BTBD7: variants seen among roughly 807,000 people sequenced by gnomAD.
The protein encoded by BTBD7 is BTB/POZ domain-containing protein 7.
Under a neutral mutation model 99.9 loss-of-function variants are expected in BTBD7, and 38 were observed. The ratio of observed to expected loss-of-function variants is 0.38; its 90% CI spans 0.29 to 0.50. BTBD7 has a LOEUF of 0.50. Ranked by LOEUF, BTBD7 falls within the 20% of genes least tolerant of loss-of-function variation. BTBD7 has a pLI of 0.93. For missense variants in BTBD7, 1,170 were observed against 1,394.6 expected (o/e 0.84, Z 2.57); for synonymous variants, 520 against 511.4 (o/e 1.02, Z -0.23).
intron 1 of BTBD7, among the ~76,000 whole-genome samples, chr14:93,320,221 T>C (rs2053254532): frequency 6.6e-6 from 1 of 152,140 alleles, no homozygotes; most frequent in East Asian, 1.9e-4. Context: ...CAGAATGATG[T>C]AGGAAAGCTG....
intron 3 of BTBD7, among the ~76,000 whole-genome samples, chr14:93,264,776 A>AAAAC (rs145665595): frequency 0.019 from 2,861 of 152,246 alleles, 74 homozygotes; most frequent in African/African-American, 0.063. Flanking sequence ...TGATAATGTG[A>AAAAC]AAACAAACAA....
In BTBD7 at chr14:93,241,524, AATG is replaced by A. The variant is rs1263448622; in HGVS notation, c.*746_*748del. 2 of 152,228 alleles carry A rather than the reference AATG, an allele frequency of 1.3e-5. No individual in the cohort carries two copies. The highest frequency in any genetic ancestry group is 2.4e-5 in the African/African-American group (1 of 41,416). The allele number at this position is 152,228 out of a possible 1,614,324, so 9.4% of individuals were successfully genotyped here. A position where few individuals can be genotyped will look rare whatever the true frequency, so the allele number is the denominator to read the frequency against. On this transcript the variant is annotated 3_prime_UTR_variant, in exon 11 of 11. Transcript: ENST00000334746. ...TGGTGACTCTAATCCTTATGACCAGAATGTGCAGGGATTCTGACTGCATCCACA... is the reference window on the plus strand; with the variant it reads ...TGGTGACTCTAATCCTTATGACCAGATGCAGGGATTCTGACTGCATCCACA...
Position 93,331,884 on chromosome 14 carries a change from C to CCG in BTBD7, c.-107+935_-107+936insCG, listed in dbSNP as rs1555394554. On this transcript the variant is annotated intron_variant, in intron 1 of 10. Coordinates refer to ENST00000334746, the MANE Select transcript of BTBD7 (RefSeq NM_001002860.4). The stretch of plus-strand genomic sequence containing the variant: ...TGACAGAGCGAGACTCCGTCTCCCC[C>CCG]CCCCCAAAAAGGTTGTTAGTTGAAA... Among the ~76,000 whole-genome samples, 5 of 146,978 alleles carry CCG rather than the reference C, an allele frequency of 3.4e-5. 1 individual carries two copies. Among genetic ancestry groups the CCG allele is most frequent in the South Asian group, 4.3e-4 (2 of 4,632 alleles).
chr14:93,332,837 C>T lies in BTBD7; in HGVS notation c.-124G>A. ...ACACTCACCCCGGAGGCTCCTCCCG[C>T]CGCTGCTGCTGCCGCTGGGACCGCT... On this transcript the variant is annotated 5_prime_UTR_variant, in exon 1 of 11. Transcript: ENST00000334746. 1 of 1,479,180 alleles carries T rather than the reference C, an allele frequency of 6.8e-7. No individual in the cohort carries two copies. The highest frequency in any genetic ancestry group is 8.9e-7 in the Non-Finnish European group (1 of 1,121,294). 91.6% of individuals were successfully genotyped at this position (1,479,180 alleles called of 1,614,324 possible). A position where few individuals can be genotyped will look rare whatever the true frequency, so the allele number is the denominator to read the frequency against.
chr14:93,332,942 C>T lies in BTBD7; in HGVS notation c.-229G>A, dbSNP rs1348636825. 4 of 649,516 alleles carry T rather than the reference C, an allele frequency of 6.2e-6. No individual in the cohort carries two copies. The highest frequency in any genetic ancestry group is 8.4e-6 in the Non-Finnish European group (4 of 476,864). 40.2% of individuals were successfully genotyped at this position (649,516 alleles called of 1,614,324 possible). ...ACCCCCGGCCATCCTCCTCCCACCG[C>T]CGCCGCCGCCGCCCTCTCCTCTCCT... On this transcript the variant is annotated 5_prime_UTR_variant, in exon 1 of 11. Coordinates refer to ENST00000334746, the MANE Select transcript of BTBD7 (RefSeq NM_001002860.4).
chr14:93,275,218 A>G (rs1447891501), intron 3 of BTBD7, among the ~76,000 whole-genome samples: 1 of 152,188 alleles, frequency 6.6e-6, no homozygotes, highest in Non-Finnish European at 1.5e-5. Flanking sequence ...CACTACATTT[A>G]TGGCCACCTT....
At position 93,294,764 on chromosome 14, in the gene BTBD7, T is replaced by C. The variant is rs1434861409; in HGVS notation, c.256A>G (p.Met86Val). Residue 86 changes from methionine (M) to valine (V), a missense_variant, in exon 3 of 11, where the codon ATG becomes GTG. By Grantham distance (21) the Met-to-Val change is conservative. Transcript: ENST00000334746. ...TCCCACCCAGAGAGGAGTTCTCGCA[T>C]CTGCTTGGCATGATCGGCAGACCTA... ...SNRSADHAKQ[M>V]RELLSGWDVR... 1 of 1,614,014 alleles carries C rather than the reference T, an allele frequency of 6.2e-7. No homozygotes were observed. The highest frequency in any genetic ancestry group is 2.2e-5 in the East Asian group (1 of 44,854).
rs374654734 is a variant in BTBD7 at position 93,306,006 on chromosome 14, G to A, written c.-106-9849C>T. ...CCTAATTACTTTCCAAAGGCCCTAC[G>A]TTCAACTGACATACAGATTTGGGGA... On this transcript the variant is annotated intron_variant, in intron 1 of 10. Coordinates refer to ENST00000334746, the MANE Select transcript of BTBD7 (RefSeq NM_001002860.4). Among the ~76,000 whole-genome samples, 24 of 152,300 alleles carry A rather than the reference G, an allele frequency of 1.6e-4. No homozygotes were observed. The South Asian group carries it at 3.9e-3, about 25-fold the overall frequency.
chr14:93,258,587 T>A lies in BTBD7; in HGVS notation c.1448-1232A>T, dbSNP rs561482029. On this transcript the variant is annotated intron_variant, in intron 5 of 10. Transcript: ENST00000334746. ...GTGGAAACTACCTTTTATTTATTTT[T>A]TTATTATTATTTTTTAAGATGGAGT... 6.9e-4 allele frequency among the ~76,000 whole-genome samples: 105 copies of A among 152,186 alleles called. 1 individual carries two copies. Among genetic ancestry groups the A allele is most frequent in the African/African-American group, 2.3e-3 (95 of 41,516 alleles).
intron 4 of BTBD7, among the ~76,000 whole-genome samples, chr14:93,262,175 C>T (rs2052496582): frequency 2.0e-5 from 3 of 151,494 alleles, no homozygotes; most frequent in African/African-American, 7.3e-5. Context: ...CGCTGTTGCC[C>T]AGGCTGGAGT....
chr14:93,294,594 A>G lies in BTBD7; in HGVS notation c.426T>C (p.Thr142=). 6.2e-7 allele frequency: 1 copy of G among 1,614,078 alleles called. No individual in the cohort carries two copies. The highest frequency in any genetic ancestry group is 8.5e-7 in the Non-Finnish European group (1 of 1,180,038). The change falls in exon 3 of 11, where the codon ACT becomes ACC. Residue 142 remains threonine (T), a synonymous_variant. Coordinates refer to ENST00000334746, the MANE Select transcript of BTBD7 (RefSeq NM_001002860.4). ...TTTCTTGAAATATTAAGTCTACATC[A>G]GTACAATACTTGTACTCATAAAGAT... is the stretch of plus-strand genomic sequence containing the variant. ...MADLYEYKYC[T]DVDLIFQETC... is the part of the protein sequence containing the mutation.
Position 93,294,613 on chromosome 14 carries a change from T to C in BTBD7, c.407A>G (p.Tyr136Cys), listed in dbSNP as rs773495984. The C allele has an allele frequency of 1.2e-6, 2 of 1,614,062 alleles. No individual in the cohort carries two copies. The highest frequency in any genetic ancestry group is 2.2e-5 in the East Asian group (1 of 44,884). The stretch of plus-strand genomic sequence containing the variant: ...TACATCAGTACAATACTTGTACTCA[T>C]AAAGATCAGCCATATCTTTCTGCAA... ...RTLQKDMADLYEYKYCTDVDL... is the reference protein window; with the variant it reads ...RTLQKDMADLCEYKYCTDVDL... Residue 136 changes from tyrosine to cysteine, a missense_variant, in exon 3 of 11, where the codon TAT becomes TGT. Tyr to Cys is a radical substitution (Grantham distance 194). Transcript: ENST00000334746.
intron 1 of BTBD7, among the ~76,000 whole-genome samples, chr14:93,303,439 G>GA (rs1201618374): frequency 1.3e-3 from 180 of 137,582 alleles, no homozygotes; most frequent in African/African-American, 3.6e-3. Flanking sequence ...CCCCATCTCA[G>GA]AAAAAAAAAA....
chr14:93,331,896 G>A (rs1264200233), intron 1 of BTBD7, among the ~76,000 whole-genome samples: 2 of 127,280 alleles, frequency 1.6e-5, no homozygotes, highest in Non-Finnish European at 3.1e-5. Context: ...CCCCAAAAAG[G>A]TTGTTAGTTG....
At chr14:93,314,242 T>C (rs1405203124) in intron 1 of BTBD7, among the ~76,000 whole-genome samples, 2 of 152,154 alleles carry the variant, frequency 1.3e-5, no homozygotes, top group African/African-American at 4.8e-5. Flanking sequence ...ATTATCATTC[T>C]TAAACAGGGT....
chr14:93,289,925 C>A (rs886994612), intron 3 of BTBD7, among the ~76,000 whole-genome samples: 1 of 142,836 alleles, frequency 7.0e-6, no homozygotes, highest in Non-Finnish European at 1.5e-5. Flanking sequence ...GCTGTGATCT[C>A]GACTTACTGC....
chr14:93,240,968 G>A lies in BTBD7; in HGVS notation c.*1305C>T, dbSNP rs545150110. On this transcript the variant is annotated 3_prime_UTR_variant, in exon 11 of 11. Coordinates refer to ENST00000334746, the MANE Select transcript of BTBD7 (RefSeq NM_001002860.4). ...TTTTGAAAATCGTTTAAAAGAAAAC[G>A]TATCTTTACAAACACCAAATAACAT... 1 of 152,374 alleles carries A rather than the reference G, an allele frequency of 6.6e-6. No homozygotes were observed. Among genetic ancestry groups the A allele is most frequent in the Non-Finnish European group, 1.5e-5 (1 of 68,030 alleles). 9.4% of individuals were successfully genotyped at this position (152,374 alleles called of 1,614,324 possible).
chr14:93,279,731 AGAG>A (rs1407298023), intron 3 of BTBD7, among the ~76,000 whole-genome samples: 12 of 152,180 alleles, frequency 7.9e-5, no homozygotes, highest in African/African-American at 2.9e-4. Flanking sequence ...TATTTTTAGT[AGAG>A]ACAAGGTTTC....
At position 93,240,041 on chromosome 14, in the gene BTBD7, AGAG is replaced by A. The variant is rs2052206080; in HGVS notation, c.*2229_*2231del. On this transcript the variant is annotated 3_prime_UTR_variant, in exon 11 of 11. Coordinates refer to ENST00000334746, the MANE Select transcript of BTBD7 (RefSeq NM_001002860.4). ...TTCACTTTTGTTTCTGAAGACAGAC[AGAG>A]ACTGGGCTTCAAAAGACACCGTCTT... is the stretch of plus-strand genomic sequence containing the variant. The A allele has an allele frequency of 6.6e-6, 1 of 152,246 alleles. No individual in the cohort carries two copies. The highest frequency in any genetic ancestry group is 1.5e-5 in the Non-Finnish European group (1 of 68,044). The allele number at this position is 152,246 out of a possible 1,614,324, so 9.4% of individuals were successfully genotyped here.
Sources: gnomAD v4.1 joint callset for allele counts (sites outside exome capture counted in the v4.1 genomes callset) on GRCh38, gnomAD v4.1.1 for gene constraint, MANE v1.5 for transcripts, NCBI Gene and HGNC (gene_info 2026-07-23, HGNC 2026-07-21) for gene names.